The following ABI2 variants were observed in gnomAD, a reference collection of about 807,000 sequenced individuals.
The protein encoded by ABI2 is abl interactor 2.
ABI2 carries 25 observed loss-of-function variants against 59.2 expected under a neutral mutation model. That is an observed-to-expected ratio of 0.42 (90% CI 0.31 to 0.59). ABI2 has a LOEUF of 0.59. Ranked by LOEUF, ABI2 falls within the 20% of genes least tolerant of loss-of-function variation. The pLI is 0.14. For missense variants in ABI2, 545 were observed against 681.8 expected (o/e 0.80, Z 2.23); for synonymous variants, 213 against 235.5 (o/e 0.90, Z 0.87).
intron 11 of ABI2, among the ~76,000 whole-genome samples, chr2:203,419,399 C>T (rs911946520): frequency 3.0e-5 from 4 of 135,398 alleles, no homozygotes; most frequent in East Asian, 2.3e-4. Context: ...GGCAGAGTCT[C>T]GCTCTGTCGC....
At chr2:203,372,306 GAA>G (rs1428583566) in intron 2 of ABI2, among the ~76,000 whole-genome samples, 11 of 152,200 alleles carry the variant, frequency 7.2e-5, no homozygotes, top group African/African-American at 1.7e-4. Context: ...AGAACAAAAT[GAA>G]AAGTCTCCCA....
chr2:203,410,306 T>C (rs16839780), intron 9 of ABI2, among the ~76,000 whole-genome samples: 3,111 of 152,352 alleles, frequency 0.02, 80 homozygotes, highest in East Asian at 0.092. Flanking sequence ...TTTATTAGTC[T>C]TAACTGTATT....
intron 1 of ABI2, 40 bp downstream of exon 1, chr2:203,328,671 C>T: frequency 7.2e-7 from 1 of 1,389,156 alleles, no homozygotes; most frequent in Non-Finnish European, 9.6e-7. Context: ...GGGGACCCCC[C>T]CGCCGGGGGC....
chr2:203,365,073 A>G (rs755904816), intron 1 of ABI2, among the ~76,000 whole-genome samples: 9 of 152,204 alleles, frequency 5.9e-5, no homozygotes, highest in Non-Finnish European at 1.0e-4. Flanking sequence ...GAAGTAATAC[A>G]TGCCCAAGTT....
At chr2:203,350,361 T>G (rs1045449652) in intron 1 of ABI2, among the ~76,000 whole-genome samples, 1 of 151,800 alleles carries the variant, frequency 6.6e-6, no homozygotes, top group African/African-American at 2.4e-5. Flanking sequence ...CGGTCTCTGT[T>G]TTTAAGAGAC....
chr2:203,378,358 A>T (rs540662950), intron 2 of ABI2, among the ~76,000 whole-genome samples: 1 of 151,966 alleles, frequency 6.6e-6, no homozygotes, highest in Non-Finnish European at 1.5e-5. Flanking sequence ...TGATCCGCCC[A>T]CCTTGGCCTC....
intron 1 of ABI2, among the ~76,000 whole-genome samples, chr2:203,346,386 G>T (rs1249914980): frequency 6.6e-6 from 1 of 152,280 alleles, no homozygotes; most frequent in East Asian, 1.9e-4. Flanking sequence ...TCTGCAGCTT[G>T]GGAATATATG....
At chr2:203,387,846 C>G (rs1248598748) in intron 4 of ABI2, among the ~76,000 whole-genome samples, 1 of 150,106 alleles carries the variant, frequency 6.7e-6, no homozygotes, top group East Asian at 1.9e-4. Flanking sequence ...TGTTCTGTCT[C>G]TCTCTCTGTC....
At position 203,426,890 on chromosome 2, in the gene ABI2, A is replaced by G. The variant is rs148858534; in HGVS notation, c.1454-287A>G. 3.6e-3 allele frequency among the ~76,000 whole-genome samples: 550 copies of G among 152,020 alleles called. 4 individuals are homozygous for G. The highest frequency in any genetic ancestry group is 0.013 in the African/African-American group (520 of 41,490). ...GGATTGTGTACCTCTTCAATGAGGT[A>G]CTTCCCTGTAGGCTCTTAAAAGGTC... On this transcript the variant is annotated intron_variant, in intron 11 of 11. Transcript: ENST00000261018.
intron 1 of ABI2, among the ~76,000 whole-genome samples, chr2:203,336,010 G>A (rs763210979): frequency 3.3e-5 from 5 of 152,034 alleles, no homozygotes; most frequent in Admixed American, 1.3e-4. Flanking sequence ...TCTAGTTTTT[G>A]CCTTTTCCAG....
intron 11 of ABI2, among the ~76,000 whole-genome samples, chr2:203,418,795 T>C (rs919650098): frequency 6.6e-6 from 1 of 152,236 alleles, no homozygotes; most frequent in African/African-American, 2.4e-5. Context: ...GGAGCTGTTT[T>C]AGAAGTTGTC....
chr2:203,359,222 T>C (rs781653562), intron 1 of ABI2, among the ~76,000 whole-genome samples: 1 of 152,164 alleles, frequency 6.6e-6, no homozygotes. Flanking sequence ...TATGACAGAT[T>C]AAGGTTTTTT....
intron 1 of ABI2, among the ~76,000 whole-genome samples, chr2:203,337,384 C>G (rs2076936540): frequency 1.3e-5 from 2 of 152,126 alleles, no homozygotes; most frequent in African/African-American, 4.8e-5. Flanking sequence ...GAAAACATTT[C>G]CATTTATAAC....
chr2:203,392,446 T>C (rs1371762648), intron 5 of ABI2, among the ~76,000 whole-genome samples: 5 of 152,108 alleles, frequency 3.3e-5, no homozygotes, highest in Admixed American at 3.3e-4. Flanking sequence ...GGAAGAGAGA[T>C]AATAGGACAG....
intron 1 of ABI2, among the ~76,000 whole-genome samples, chr2:203,346,836 T>C (rs1407372451): frequency 6.6e-6 from 1 of 152,138 alleles, no homozygotes; most frequent in East Asian, 1.9e-4. Context: ...TTCCTTTATC[T>C]TATCTTATAT....
At chr2:203,397,244 T>A (rs2097039656) in intron 8 of ABI2, among the ~76,000 whole-genome samples, 1 of 152,208 alleles carries the variant, frequency 6.6e-6, no homozygotes. Flanking sequence ...AATATGGAGC[T>A]ACCTTCTATA....
intron 5 of ABI2, among the ~76,000 whole-genome samples, chr2:203,392,301 ACC>A (rs2096778883): frequency 1.2e-5 from 1 of 86,478 alleles, no homozygotes; most frequent in Admixed American, 1.3e-4. Context: ...CACCACCACC[ACC>A]ACCACCACCA....
chr2:203,338,934 G>GTGTATATATA lies in ABI2; in HGVS notation c.117+10304_117+10305insGTATATATAT, dbSNP rs2077848776. Reference sequence around the variant, plus strand: ...TGTGTGTGTGTGTGTGTGTGTATATGTATATATATATATATATATATATAT... The same window carrying GTGTATATATA: ...TGTGTGTGTGTGTGTGTGTGTATATGTGTATATATATATATATATATATATATATATATAT... On this transcript the variant is annotated intron_variant, in intron 1 of 11. Coordinates refer to ENST00000261018, the MANE Select transcript of ABI2 (RefSeq NM_001375670.1). Among the ~76,000 whole-genome samples the GTGTATATATA allele has an allele frequency of 5.8e-4, 3 of 5,194 alleles. 1 individual carries two copies. Among genetic ancestry groups the GTGTATATATA allele is most frequent in the Non-Finnish European group, 1.7e-3 (3 of 1,782 alleles). The allele number at this position is 5,194 out of a possible 152,430, so 3.4% of individuals were successfully genotyped here.
chr2:203,416,279 AT>A (rs1368631234), intron 10 of ABI2, among the ~76,000 whole-genome samples: 1 of 151,498 alleles, frequency 6.6e-6, no homozygotes, highest in East Asian at 1.9e-4. Context: ...TTTTATTCTT[AT>A]TTTTTATTGT....
Sources: allele counts gnomAD v4.1 joint callset (sites outside exome capture counted in the v4.1 genomes callset), GRCh38; gene constraint gnomAD v4.1.1; transcripts MANE v1.5; gene names NCBI Gene and HGNC (gene_info 2026-07-23, HGNC 2026-07-21).